The following CNTNAP2 variants were observed in gnomAD, a reference collection of about 807,000 sequenced individuals.
CNTNAP2 encodes contactin-associated protein-like 2.
Under a neutral mutation model 155.2 loss-of-function variants are expected in CNTNAP2, and 98 were observed. That is an observed-to-expected ratio of 0.63 (90% CI 0.54 to 0.75). The LOEUF is 0.75. Ranked by LOEUF, CNTNAP2 falls within the 30% of genes least tolerant of loss-of-function variation. The pLI, the probability that CNTNAP2 is intolerant of heterozygous loss-of-function variation, is 0.00. For synonymous variants in CNTNAP2, 651 were observed against 631.2 expected (o/e 1.03, Z -0.47); for missense variants, 1,727 against 1,688.1 (o/e 1.02, Z -0.40).
At chr7:147,246,040 C>T (rs540987877) in intron 8 of CNTNAP2, among the ~76,000 whole-genome samples, 4 of 100,906 alleles carry the variant, frequency 4.0e-5, no homozygotes, top group South Asian at 4.1e-4. Flanking sequence ...ACACATATAA[C>T]GTGCATATAT....
chr7:146,459,708 C>A (rs543915749), intron 1 of CNTNAP2, among the ~76,000 whole-genome samples: 2 of 152,146 alleles, frequency 1.3e-5, no homozygotes, highest in Non-Finnish European at 2.9e-5. Context: ...CGGTGCCTCA[C>A]GCCTGTAATC....
chr7:148,405,752 A>C (rs1407009285), intron 22 of CNTNAP2, among the ~76,000 whole-genome samples: 2 of 150,356 alleles, frequency 1.3e-5, no homozygotes, highest in Non-Finnish European at 3.0e-5. Flanking sequence ...AGTAGCTGGG[A>C]CTACAGGCGC....
chr7:148,049,343 A>T (rs190287927), intron 15 of CNTNAP2, among the ~76,000 whole-genome samples: 9 of 152,334 alleles, frequency 5.9e-5, no homozygotes, highest in African/African-American at 1.9e-4. Flanking sequence ...AGTTATTATA[A>T]ACTCTCACTG....
chr7:146,181,721 C>G, intron 1 of CNTNAP2, among the ~76,000 whole-genome samples: 1 of 152,094 alleles, frequency 6.6e-6, no homozygotes, highest in East Asian at 1.9e-4. Flanking sequence ...TTCTGTAACT[C>G]AAGGTTTTTG....
intron 3 of CNTNAP2, among the ~76,000 whole-genome samples, chr7:146,924,006 C>T (rs1796556249): frequency 6.6e-6 from 1 of 152,084 alleles, no homozygotes; most frequent in South Asian, 2.1e-4. Context: ...ATAGCTTCCC[C>T]CAACTGTTGT....
chr7:147,645,542 T>C (rs1393533125), intron 13 of CNTNAP2, among the ~76,000 whole-genome samples: 1 of 152,204 alleles, frequency 6.6e-6, no homozygotes, highest in Non-Finnish European at 1.5e-5. Context: ...TATCGAGTAA[T>C]GTTTCATACT....
intron 14 of CNTNAP2, among the ~76,000 whole-genome samples, chr7:147,929,041 G>A (rs891428003): frequency 3.0e-5 from 4 of 131,986 alleles, no homozygotes; most frequent in Admixed American, 2.6e-4. Flanking sequence ...GCAGTGAGCC[G>A]AGACTGCGCC....
chr7:147,656,422 T>C (rs753728773), intron 13 of CNTNAP2, among the ~76,000 whole-genome samples: 24 of 152,204 alleles, frequency 1.6e-4, no homozygotes, highest in Non-Finnish European at 3.2e-4. Context: ...AATTGAGCGA[T>C]GTGTGACTTT....
At chr7:146,117,539 C>A (rs34280066) in intron 1 of CNTNAP2, among the ~76,000 whole-genome samples, 7,890 of 152,204 alleles carry the variant, frequency 0.052, 238 homozygotes, top group Middle Eastern at 0.11. Flanking sequence ...TGCTTTAATT[C>A]TTTGATACTT....
chr7:148,017,986 A>G (rs983734679), intron 15 of CNTNAP2, among the ~76,000 whole-genome samples: 2 of 152,244 alleles, frequency 1.3e-5, no homozygotes, highest in African/African-American at 4.8e-5. Context: ...GTTTTTCTAA[A>G]ACACAAAACG....
chr7:146,868,533 T>G lies in CNTNAP2; in HGVS notation c.402+28629T>G, dbSNP rs149773223. On this transcript the variant is annotated intron_variant, in intron 3 of 23. Coordinates refer to ENST00000361727, the MANE Select transcript of CNTNAP2 (RefSeq NM_014141.6). The stretch of plus-strand genomic sequence containing the variant: ...TGGTTCCGTATGAATTTTAAAATAC[T>G]TTTTTCTGGTTCTGTGAATAATAAT... Among the ~76,000 whole-genome samples, 352 of 152,316 alleles carry G rather than the reference T, an allele frequency of 2.3e-3. 1 individual carries two copies. Among genetic ancestry groups the G allele is most frequent in the Middle Eastern group, 0.01 (3 of 294 alleles).
chr7:147,231,162 G>A lies in CNTNAP2; in HGVS notation c.1349-68979G>A, dbSNP rs147660533. On this transcript the variant is annotated intron_variant, in intron 8 of 23. Transcript: ENST00000361727. ...AAAGCATGGGGGATACCGTCTTCAC[G>A]ATCCAACTACAATTCAAGATGAAAT... 3.9e-3 allele frequency among the ~76,000 whole-genome samples: 594 copies of A among 152,334 alleles called. 2 individuals are homozygous for A. Among genetic ancestry groups the A allele is most frequent in the African/African-American group, 0.014 (566 of 41,578 alleles).
intron 8 of CNTNAP2, among the ~76,000 whole-genome samples, chr7:147,276,835 A>T (rs1399292082): frequency 6.6e-6 from 1 of 152,070 alleles, no homozygotes; most frequent in Non-Finnish European, 1.5e-5. Flanking sequence ...ATTGACAAAA[A>T]AAAAACTGCA....
chr7:146,324,924 A>C (rs1391873187), intron 1 of CNTNAP2, among the ~76,000 whole-genome samples: 1 of 152,156 alleles, frequency 6.6e-6, no homozygotes, highest in Admixed American at 6.6e-5. Context: ...ATAAAACAAA[A>C]TAGTAAAAAT....
intron 8 of CNTNAP2, among the ~76,000 whole-genome samples, chr7:147,229,054 T>G (rs2372911): frequency 0.47 from 71,313 of 151,540 alleles, 17,333 homozygotes; most frequent in East Asian, 0.76. Context: ...TATATATATA[T>G]ATAGAGAGAG....
At chr7:146,592,331 T>C (rs1798795512) in intron 1 of CNTNAP2, among the ~76,000 whole-genome samples, 1 of 152,214 alleles carries the variant, frequency 6.6e-6, no homozygotes, top group Non-Finnish European at 1.5e-5. Context: ...AAGGCAGTGG[T>C]GGAAGTGTCC....
chr7:146,891,857 T>C (rs1795784858), intron 3 of CNTNAP2, among the ~76,000 whole-genome samples: 2 of 152,168 alleles, frequency 1.3e-5, no homozygotes, highest in Admixed American at 1.3e-4. Context: ...CATTTTTTTA[T>C]TCTTGTTATA....
At chr7:146,615,983 T>C (rs1412654941) in intron 1 of CNTNAP2, among the ~76,000 whole-genome samples, 3 of 152,230 alleles carry the variant, frequency 2.0e-5, no homozygotes, top group Admixed American at 6.5e-5. Flanking sequence ...GAATTTAATG[T>C]AATCTGTAAT....
At chr7:147,627,705 A>T (rs1260341172) in intron 12 of CNTNAP2, among the ~76,000 whole-genome samples, 3 of 150,728 alleles carry the variant, frequency 2.0e-5, no homozygotes, top group African/African-American at 7.3e-5. Context: ...AAAAAAAAAA[A>T]AAAAAAAAAG....
Sources: allele counts gnomAD v4.1 joint callset (sites outside exome capture counted in the v4.1 genomes callset), GRCh38; gene constraint gnomAD v4.1.1; transcripts MANE v1.5; gene names NCBI Gene and HGNC (gene_info 2026-07-23, HGNC 2026-07-21).